The following PNKP variants were observed in gnomAD, a reference collection of about 807,000 sequenced individuals.
PNKP encodes polynucleotide kinase 3'-phosphatase.
Under a neutral mutation model 66.2 loss-of-function variants are expected in PNKP, and 82 were observed. That is an observed-to-expected ratio of 1.24 (90% CI 1.04 to 1.49). PNKP has a LOEUF of 1.49. PNKP is among the 40% of genes most tolerant of loss of function. PNKP has a pLI of 0.00. For synonymous variants in PNKP, 412 were observed against 298.9 expected, an observed-to-expected ratio of 1.38 and a Z score of -3.90; for missense variants, 907 against 706.8, an observed-to-expected ratio of 1.28 and a Z score of -3.21.
At position 49,861,686 on chromosome 19, in the gene PNKP, C is replaced by G. The variant is rs780067167; in HGVS notation, c.1308G>C (p.Gln436His). 36 of 1,547,338 alleles carry G rather than the reference C, an allele frequency of 2.3e-5. No homozygotes were observed. The highest frequency in any genetic ancestry group is 5.9e-5 in the Admixed American group (3 of 50,940). Residue 436 changes from glutamine (Q) to histidine (H), a missense_variant, in exon 15 of 17, where the codon CAG becomes CAC. Coordinates refer to ENST00000322344, the MANE Select transcript of PNKP (RefSeq NM_007254.4). ...PDAASRARYV[Q>H]CARAAGVPCR... ...AGGGGACGCCCGCGGCTCGGGCACA[C>G]TGGACGTACCTGTGGGGGAAGGAGC...
At position 49,861,524 on chromosome 19, in the gene PNKP, C is replaced by CA; in HGVS notation, c.1387-15dup. ...CATCTCTCGAAACTGTGGGGAACAT[C>CA]AGAGGGGCGGCAGGCCCAGGGGTCA... is the stretch of plus-strand genomic sequence containing the variant. On this transcript the variant is annotated splice_polypyrimidine_tract_variant and intron_variant, in intron 15 of 16. Coordinates refer to ENST00000322344, the MANE Select transcript of PNKP (RefSeq NM_007254.4). 6.2e-7 allele frequency: 1 copy of CA among 1,605,104 alleles called. No homozygotes were observed. Among genetic ancestry groups the CA allele is most frequent in the Non-Finnish European group, 8.5e-7 (1 of 1,177,532 alleles).
rs1057521745 is a variant in PNKP at position 49,867,481 on chromosome 19, C to T, written c.-26G>A. On this transcript the variant is annotated 5_prime_UTR_variant, in exon 1 of 17. Transcript: ENST00000322344. ...GCCCCGTACTCACCCGGGACCGCGGCTTGGGCTCACGGCCACTTCCGACCA... is the reference window on the plus strand; with the variant it reads ...GCCCCGTACTCACCCGGGACCGCGGTTTGGGCTCACGGCCACTTCCGACCA... 3 of 508,746 alleles carry T rather than the reference C, an allele frequency of 5.9e-6. No homozygotes were observed. Among genetic ancestry groups the T allele is most frequent in the Non-Finnish European group, 1.1e-5 (3 of 282,362 alleles). 31.5% of individuals were successfully genotyped at this position (508,746 alleles called of 1,614,324 possible). A position where few individuals can be genotyped will look rare whatever the true frequency, so the allele number is the denominator to read the frequency against.
At chr19:49,866,999 G>T in intron 2 of PNKP, 55 bp downstream of exon 2, 1 of 1,573,896 alleles carries the variant, frequency 6.4e-7, no homozygotes, top group Non-Finnish European at 8.7e-7. Context: ...CGTCCCTCTG[G>T]ATTGTTCCCG....
Position 49,861,838 on chromosome 19 carries a change from G to C in PNKP, c.1232C>G (p.Thr411Arg). The C allele has an allele frequency of 6.3e-7, 1 of 1,593,120 alleles. No individual in the cohort carries two copies. Among genetic ancestry groups the C allele is most frequent in the Non-Finnish European group, 8.5e-7 (1 of 1,172,374 alleles). ...SWQRCVTTCE[T>R]ALKQGKRVAI... ...GACCCGTTTCCCTTGCTTCAGGGCT[G>C]TCTCACACGTGGTCACACAGCGCTG... The change falls in exon 14 of 17, where the codon ACA becomes AGA. Residue 411 changes from threonine to arginine, a missense_variant. Coordinates refer to ENST00000322344, the MANE Select transcript of PNKP (RefSeq NM_007254.4).
At position 49,861,878 on chromosome 19, in the gene PNKP, TGTCCTGG is replaced by T; in HGVS notation, c.1189-4_1191del. 6.3e-7 allele frequency: 1 copy of T among 1,589,292 alleles called. No individual in the cohort carries two copies. ...ACACAGCGCTGCCAGGAGCCTAGCGTGTCCTGGGGACACGAGAGGTCACAAACAGATC... is the reference window on the plus strand; with the variant it reads ...ACACAGCGCTGCCAGGAGCCTAGCGTGGACACGAGAGGTCACAAACAGATC... On this transcript the variant is annotated splice_acceptor_variant and splice_polypyrimidine_tract_variant and coding_sequence_variant and intron_variant, in exon 14 of 17. Coordinates refer to ENST00000322344, the MANE Select transcript of PNKP (RefSeq NM_007254.4). LOFTEE classifies it high-confidence loss of function.
At position 49,861,324 on chromosome 19, in the gene PNKP, G is replaced by C; in HGVS notation, c.1490C>G (p.Ala497Gly). ...TAGCCGGAACGGGATCTCCAGGATGGCAGAGAAGCCTTCAGCCAGCGTTGG... is the reference window on the plus strand; with the variant it reads ...TAGCCGGAACGGGATCTCCAGGATGCCAGAGAAGCCTTCAGCCAGCGTTGG... ...EAPTLAEGFS[A>G]ILEIPFRLWV... is the part of the protein sequence containing the mutation. Residue 497 changes from alanine (A) to glycine (G), a missense_variant, in exon 17 of 17, where the codon GCC (alanine) becomes GGC (glycine). Transcript: ENST00000322344. 1 of 1,614,156 alleles carries C rather than the reference G, an allele frequency of 6.2e-7. No homozygotes were observed. The highest frequency in any genetic ancestry group is 8.5e-7 in the Non-Finnish European group (1 of 1,180,004).
chr19:49,862,216 C>CG lies in PNKP; in HGVS notation c.1094dup (p.Glu366GlyfsTer45), dbSNP rs756199265. The CG allele has an allele frequency of 1.2e-6, 2 of 1,613,198 alleles. No individual in the cohort carries two copies. Among genetic ancestry groups the CG allele is most frequent in the East Asian group, 4.5e-5 (2 of 44,850 alleles). ...GGAATCCCACTGCGACAACCACCTC[C>CG]GGGCTGGCGCTCAGGAGGGCCCTGG... On this transcript the variant is annotated frameshift_variant, in exon 12 of 17. Transcript: ENST00000322344. LOFTEE classifies it high-confidence loss of function.
chr19:49,861,654 C>A lies in PNKP; in HGVS notation c.1340G>T (p.Cys447Phe). The A allele has an allele frequency of 6.4e-7, 1 of 1,551,338 alleles. No individual in the cohort carries two copies. Among genetic ancestry groups the A allele is most frequent in the Middle Eastern group, 1.8e-4 (1 of 5,544 alleles). Residue 447 changes from cysteine (C) to phenylalanine (F), a missense_variant, in exon 15 of 17, where the codon TGC becomes TTC. Coordinates refer to ENST00000322344, the MANE Select transcript of PNKP (RefSeq NM_007254.4). ...CTCCAGAGTGGCGGTGAAGAGGAAG[C>A]AGCGGCAGGGGACGCCCGCGGCTCG... ...CARAAGVPCR[C>F]FLFTATLEQA...
chr19:49,866,591 G>A (rs2074822652), intron 2 of PNKP, 146 bp from the exon 3 acceptor site: 1 of 773,422 alleles, frequency 1.3e-6, no homozygotes, highest in South Asian at 1.4e-5. Flanking sequence ...TTGACATGCA[G>A]TAGCCAGATA....
chr19:49,861,975 C>A, intron 13 of PNKP, 69 bp downstream of exon 13: 1 of 1,600,204 alleles, frequency 6.2e-7, no homozygotes, highest in South Asian at 1.1e-5. Context: ...GGAAAGCCGC[C>A]CCAAACCAGT....
At position 49,861,862 on chromosome 19, in the gene PNKP, T is replaced by A. The variant is rs1354625488; in HGVS notation, c.1208A>T (p.Gln403Leu). The change falls in exon 14 of 17, where the codon CAG becomes CTG. Residue 403 changes from glutamine (Q) to leucine (L), a missense_variant. Physicochemically the swap from Gln to Leu is moderately radical, Grantham distance 113. Coordinates refer to ENST00000322344, the MANE Select transcript of PNKP (RefSeq NM_007254.4). ...TGTCTCACACGTGGTCACACAGCGC[T>A]GCCAGGAGCCTAGCGTGTCCTGGGG... is the stretch of plus-strand genomic sequence containing the variant. ...HVNRDTLGSW[Q>L]RCVTTCETAL... The A allele has an allele frequency of 8.2e-6, 13 of 1,592,292 alleles. No individual in the cohort carries two copies. In the East Asian group the frequency reaches 3.0e-4, roughly 36 times the overall value.
intron 8 of PNKP, 50 bp downstream of exon 8, chr19:49,863,639 G>A: frequency 7.1e-7 from 1 of 1,407,470 alleles, no homozygotes; most frequent in Non-Finnish European, 9.8e-7. Flanking sequence ...CCAGGAGTGA[G>A]GGGCTGGAGT....
intron 1 of PNKP, 108 bp from the exon 2 acceptor site, chr19:49,867,325 G>A (rs2074829386): frequency 1.7e-6 from 2 of 1,176,592 alleles, no homozygotes; most frequent in Admixed American, 2.4e-5. Context: ...TAACTGCTCC[G>A]GAAGTCCCAC....
rs748135539 is a variant in PNKP, at chr19:49,861,429, C to T, written c.1448+20G>A. 1.9e-6 allele frequency: 3 copies of T among 1,614,132 alleles called. No homozygotes were observed. Among genetic ancestry groups the T allele is most frequent in the East Asian group, 2.2e-5 (1 of 44,878 alleles). On this transcript the variant is annotated intron_variant, in intron 16 of 16. Coordinates refer to ENST00000322344, the MANE Select transcript of PNKP (RefSeq NM_007254.4). The stretch of plus-strand genomic sequence containing the variant: ...TGTGGCCCAGCCAGTGCCCCTGCCC[C>T]CTGCTATCCCCAACAGTACCTGTAG...
chr19:49,866,451 G>C lies in PNKP; in HGVS notation c.152-6C>G. ...AGGATCTGCGACCAGCTCCACTGAGGATTGGAGGGGTGGAGTCAGGATTTG... is the reference window on the plus strand; with the variant it reads ...AGGATCTGCGACCAGCTCCACTGAGCATTGGAGGGGTGGAGTCAGGATTTG... On this transcript the variant is annotated splice_polypyrimidine_tract_variant and splice_region_variant and intron_variant, in intron 2 of 16. Coordinates refer to ENST00000322344, the MANE Select transcript of PNKP (RefSeq NM_007254.4). 1 of 1,614,050 alleles carries C rather than the reference G, an allele frequency of 6.2e-7. No homozygotes were observed. The highest frequency in any genetic ancestry group is 8.5e-7 in the Non-Finnish European group (1 of 1,179,866).
chr19:49,861,757 C>A lies in PNKP; in HGVS notation c.1298+15G>T. Reference sequence around the variant, plus strand: ...ACCCCGCCGCAGGCCACCTACGGCCCCGCGGTCACGCTACCTGGCGCGGCT... The same window carrying A: ...ACCCCGCCGCAGGCCACCTACGGCCACGCGGTCACGCTACCTGGCGCGGCT... On this transcript the variant is annotated intron_variant, in intron 14 of 16. Coordinates refer to ENST00000322344, the MANE Select transcript of PNKP (RefSeq NM_007254.4). The A allele has an allele frequency of 6.4e-7, 1 of 1,561,522 alleles. No homozygotes were observed. The highest frequency in any genetic ancestry group is 8.7e-7 in the Non-Finnish European group (1 of 1,153,438).
rs1178375028 is a variant in PNKP, at chr19:49,861,438, C to G, written c.1448+11G>C. Reference sequence around the variant, plus strand: ...GCCAGTGCCCCTGCCCCCTGCTATCCCCAACAGTACCTGTAGCCATACATG... The same window carrying G: ...GCCAGTGCCCCTGCCCCCTGCTATCGCCAACAGTACCTGTAGCCATACATG... On this transcript the variant is annotated intron_variant, in intron 16 of 16. Transcript: ENST00000322344. The G allele has an allele frequency of 6.2e-7, 1 of 1,614,100 alleles. No homozygotes were observed.
Position 49,861,987 on chromosome 19 carries a change from G to A in PNKP, c.1188+57C>T. On this transcript the variant is annotated intron_variant, in intron 13 of 16. Coordinates refer to ENST00000322344, the MANE Select transcript of PNKP (RefSeq NM_007254.4). ...GGAGGAAAGCCGCCCCAAACCAGTT[G>A]AGAGGTGGAGATGGGAACTTTATAA... 4 of 1,600,456 alleles carry A rather than the reference G, an allele frequency of 2.5e-6. No individual in the cohort carries two copies. In the South Asian group the frequency reaches 3.3e-5, roughly 13 times the overall value.
chr19:49,866,307 G>C (rs1489414430), intron 3 of PNKP, 92 bp downstream of exon 3: 2 of 1,228,612 alleles, frequency 1.6e-6, no homozygotes, highest in Non-Finnish European at 2.4e-6. Flanking sequence ...GCCCCAATCA[G>C]ATTTTCCTAA....
Sources: allele counts gnomAD v4.1 joint callset, GRCh38; gene constraint gnomAD v4.1.1; transcripts MANE v1.5; gene names NCBI Gene and HGNC (gene_info 2026-07-23, HGNC 2026-07-21).